FAM210A: variants seen among roughly 807,000 people sequenced by gnomAD.
FAM210A encodes family with sequence similarity 210 member A.
In FAM210A, 13 loss-of-function variants were observed where a neutral mutation model predicts 25.3. The ratio of observed to expected loss-of-function variants is 0.51; its 90% CI spans 0.33 to 0.82. The LOEUF is 0.82. Among genes scored for constraint, FAM210A ranks in the 40% least tolerant of loss-of-function variants. The probability of loss-of-function intolerance (pLI) is 0.02; values close to 1 mark genes in which losing one functional copy is unlikely to be tolerated. For missense variants in FAM210A, 319 were observed against 323.2 expected, an observed-to-expected ratio of 0.99 and a Z score of 0.10; for synonymous variants, 125 against 118.7, an observed-to-expected ratio of 1.05 and a Z score of -0.35.
At chr18:13,677,681 A>G (rs1367313323) in intron 2 of FAM210A, among the ~76,000 whole-genome samples, 2 of 152,158 alleles carry the variant, frequency 1.3e-5, no homozygotes, top group Non-Finnish European at 2.9e-5. Context: ...GAAATTGGGC[A>G]TAAGACAATA....
At chr18:13,688,394 A>T (rs1601951419) in intron 1 of FAM210A, among the ~76,000 whole-genome samples, 1 of 152,220 alleles carries the variant, frequency 6.6e-6, no homozygotes, top group Non-Finnish European at 1.5e-5. Flanking sequence ...GGACGTCAGG[A>T]AAAAACAGCT....
chr18:13,726,393 A>G lies in FAM210A; in HGVS notation c.-93T>C, dbSNP rs1406093629. 3.3e-5 allele frequency: 5 copies of G among 153,286 alleles called. No individual in the cohort carries two copies. Among genetic ancestry groups the G allele is most frequent in the Admixed American group, 2.0e-4 (3 of 15,302 alleles). 9.5% of individuals were successfully genotyped at this position (153,286 alleles called of 1,614,324 possible). On this transcript the variant is annotated 5_prime_UTR_variant, in exon 1 of 4. Transcript: ENST00000651643. ...CGCAGGCTGGACCACAGCTCCTCGG[A>G]TGCCACGGCGGTGTCACTCAGCAGA...
chr18:13,714,782 A>C (rs1051547896), intron 1 of FAM210A, among the ~76,000 whole-genome samples: 1 of 152,190 alleles, frequency 6.6e-6, no homozygotes, highest in Non-Finnish European at 1.5e-5. Flanking sequence ...AGCTACAAAA[A>C]TATGAGTCTG....
chr18:13,685,483 G>T (rs1348207936), intron 1 of FAM210A, among the ~76,000 whole-genome samples: 2 of 152,102 alleles, frequency 1.3e-5, no homozygotes, highest in African/African-American at 4.8e-5. Flanking sequence ...CTTCATCTAT[G>T]TATTAAGAAC....
At chr18:13,711,103 G>T (rs773367588) in intron 1 of FAM210A, among the ~76,000 whole-genome samples, 3 of 152,166 alleles carry the variant, frequency 2.0e-5, no homozygotes, top group Non-Finnish European at 2.9e-5. Flanking sequence ...CTGGCACGGA[G>T]GCTCACGCCT....
In FAM210A at chr18:13,665,323, T is replaced by G. The variant is rs1446262219; in HGVS notation, c.*1157A>C. 5 of 133,852 alleles carry G rather than the reference T, an allele frequency of 3.7e-5. No homozygotes were observed. The East Asian group carries it at 8.8e-4, about 24-fold the overall frequency. The allele number at this position is 133,852 out of a possible 1,614,324, so 8.3% of individuals were successfully genotyped here. A position where few individuals can be genotyped will look rare whatever the true frequency, so the allele number is the denominator to read the frequency against. ...TGAACCTGGGAGGCAGAGGATGCAG[T>G]GAGCCGAGATTGTACCATTGCACTC... On this transcript the variant is annotated 3_prime_UTR_variant, in exon 4 of 4. Transcript: ENST00000651643.
At chr18:13,693,049 A>C (rs2043661607) in intron 1 of FAM210A, among the ~76,000 whole-genome samples, 1 of 152,222 alleles carries the variant, frequency 6.6e-6, no homozygotes. Flanking sequence ...GACACAATAA[A>C]AAATGATAAA....
chr18:13,686,202 G>T (rs1345589657), intron 1 of FAM210A, among the ~76,000 whole-genome samples: 1 of 152,118 alleles, frequency 6.6e-6, no homozygotes, highest in South Asian at 2.1e-4. Flanking sequence ...TGTGAGAAAA[G>T]ATCTTATCTG....
chr18:13,682,462 G>A (rs2043563688), intron 1 of FAM210A, among the ~76,000 whole-genome samples: 1 of 152,142 alleles, frequency 6.6e-6, no homozygotes, highest in South Asian at 2.1e-4. Context: ...CAGCTACTCA[G>A]GAGGCTGAGG....
intron 2 of FAM210A, among the ~76,000 whole-genome samples, chr18:13,678,666 T>C (rs1271002607): frequency 6.6e-6 from 1 of 152,246 alleles, no homozygotes; most frequent in East Asian, 1.9e-4. Flanking sequence ...ACATGAAGTA[T>C]TAATGAGGGT....
At position 13,681,872 on chromosome 18, in the gene FAM210A, C is replaced by T. The variant is rs2043557272; in HGVS notation, c.206G>A (p.Arg69Lys). 6.2e-7 allele frequency: 1 copy of T among 1,614,170 alleles called. No homozygotes were observed. The highest frequency in any genetic ancestry group is 8.5e-7 in the Non-Finnish European group (1 of 1,180,032). Residue 69 changes from arginine to lysine, a missense_variant, in exon 2 of 4, where the codon AGG (arginine) becomes AAG (lysine). Arg to Lys is a conservative substitution (Grantham distance 26). Coordinates refer to ENST00000651643, the MANE Select transcript of FAM210A (RefSeq NM_152352.4). Reference protein sequence around the residue: ...SAAQCVAKERRPLDAHPPQPG... With the variant: ...SAAQCVAKERKPLDAHPPQPG... ...TTGGGGTGGATGAGCATCCAATGGC[C>T]TCCTTTCCTTTGCAACACACTGGGC...
chr18:13,692,752 G>A, intron 1 of FAM210A, among the ~76,000 whole-genome samples: 1 of 152,210 alleles, frequency 6.6e-6, no homozygotes, highest in East Asian at 1.9e-4. Flanking sequence ...AAATCAGTGT[G>A]TAGAGGGAAA....
At chr18:13,713,753 C>CACACACACACACACACACACAT (rs1555791553) in intron 1 of FAM210A, among the ~76,000 whole-genome samples, 2 of 151,734 alleles carry the variant, frequency 1.3e-5, no homozygotes, top group Admixed American at 6.6e-5. Context: ...CACACACACA[C>CACACACACACACACACACACAT]GTTTAGAGAC....
chr18:13,687,839 C>T (rs556080416), intron 1 of FAM210A: 1 of 152,204 alleles, frequency 6.6e-6, no homozygotes, highest in Admixed American at 6.5e-5. Context: ...AAACTTGCCT[C>T]GGTCTCTTTT....
intron 1 of FAM210A, among the ~76,000 whole-genome samples, chr18:13,719,787 ACATTTAAAGG>A (rs1402382046): frequency 3.3e-5 from 5 of 152,116 alleles, no homozygotes; most frequent in Non-Finnish European, 7.4e-5. Flanking sequence ...TTCTACAATC[ACATTTAAAGG>A]CATGGACTAA....
chr18:13,705,404 C>T (rs1008671836), intron 1 of FAM210A, among the ~76,000 whole-genome samples: 10 of 152,174 alleles, frequency 6.6e-5, no homozygotes, highest in Admixed American at 2.0e-4. Flanking sequence ...CTTTCCATGA[C>T]TCATCACGGA....
At chr18:13,682,777 G>C (rs960318033) in intron 1 of FAM210A, among the ~76,000 whole-genome samples, 16 of 152,226 alleles carry the variant, frequency 1.1e-4, no homozygotes, top group African/African-American at 3.9e-4. Flanking sequence ...GCTGAGGCAT[G>C]AGAATTGCTT....
chr18:13,720,671 T>C (rs2043891435), intron 1 of FAM210A, among the ~76,000 whole-genome samples: 1 of 152,170 alleles, frequency 6.6e-6, no homozygotes, highest in Non-Finnish European at 1.5e-5. Context: ...TATGATGTTT[T>C]GTGGAAGGGA....
chr18:13,679,197 C>A (rs1162940589), intron 2 of FAM210A, among the ~76,000 whole-genome samples: 2 of 152,216 alleles, frequency 1.3e-5, no homozygotes, highest in Non-Finnish European at 1.5e-5. Context: ...AAGACAAACA[C>A]TGGTCAGTAA....
Sources: gnomAD v4.1 joint callset for allele counts (sites outside exome capture counted in the v4.1 genomes callset) on GRCh38, gnomAD v4.1.1 for gene constraint, MANE v1.5 for transcripts, NCBI Gene and HGNC (gene_info 2026-07-23, HGNC 2026-07-21) for gene names.